Variants in PSD3 observed in about 807,000 individuals in gnomAD.
The protein encoded by PSD3 is pleckstrin and Sec7 domain containing 3.
A neutral mutation model predicts 105.5 loss-of-function variants in PSD3; 49 were observed. The observed-to-expected ratio is 0.46, with a 90% CI of 0.37 to 0.59. The LOEUF is 0.59. PSD3 is among the 20% of genes least tolerant of loss of function. The pLI, the probability that PSD3 is intolerant of heterozygous loss-of-function variation, is 0.00. For synonymous variants in PSD3, 557 were observed against 457.8 expected (o/e 1.22, Z -2.77); for missense variants, 1,561 against 1,263.8 (o/e 1.24, Z -3.57).
At chr8:18,614,705 T>A (rs905049184) in intron 11 of PSD3, among the ~76,000 whole-genome samples, 2 of 152,162 alleles carry the variant, frequency 1.3e-5, no homozygotes, top group African/African-American at 4.8e-5. Flanking sequence ...TACAGCTCAC[T>A]GCAGCCTCCA....
At chr8:18,547,310 C>T (rs549851956) in intron 15 of PSD3, among the ~76,000 whole-genome samples, 1 of 152,316 alleles carries the variant, frequency 6.6e-6, no homozygotes, top group East Asian at 1.9e-4. Flanking sequence ...TAATCTGAAG[C>T]AATGTAGCTG....
intron 11 of PSD3, among the ~76,000 whole-genome samples, chr8:18,620,341 T>C (rs1410637249): frequency 2.3e-5 from 3 of 131,434 alleles, no homozygotes; most frequent in East Asian, 4.3e-4. Flanking sequence ...CTTGGGTTTG[T>C]GTTTTTTTTT....
intron 4 of PSD3, among the ~76,000 whole-genome samples, chr8:18,857,255 C>T (rs977879200): frequency 1.2e-4 from 19 of 152,174 alleles, no homozygotes; most frequent in African/African-American, 2.9e-4. Context: ...TTGCAGTAAA[C>T]GCCTCTCAAA....
chr8:18,737,195 C>T (rs1307798371), intron 9 of PSD3, among the ~76,000 whole-genome samples: 43 of 152,234 alleles, frequency 2.8e-4, no homozygotes, highest in African/African-American at 1.0e-3. Context: ...GTAATTGTCC[C>T]AGGTAGTTCT....
intron 4 of PSD3, among the ~76,000 whole-genome samples, chr8:18,863,287 C>G (rs1035083691): frequency 6.6e-6 from 1 of 152,156 alleles, no homozygotes; most frequent in Non-Finnish European, 1.5e-5. Context: ...GATAAGCCGG[C>G]GAGCGAGAAG....
intron 1 of PSD3, among the ~76,000 whole-genome samples, chr8:18,977,479 T>A (rs758249006): frequency 5.3e-5 from 8 of 152,106 alleles, no homozygotes; most frequent in Non-Finnish European, 1.0e-4. Flanking sequence ...ACTAATGTTA[T>A]TTGCTTTATT....
intron 8 of PSD3, among the ~76,000 whole-genome samples, chr8:18,787,077 T>C (rs1809235920): frequency 6.6e-6 from 1 of 152,214 alleles, no homozygotes; most frequent in Non-Finnish European, 1.5e-5. Flanking sequence ...AGGCAAACAC[T>C]ACTCAACGAA....
intron 2 of PSD3, among the ~76,000 whole-genome samples, chr8:18,875,156 T>C (rs1817647818): frequency 6.6e-6 from 1 of 152,142 alleles, no homozygotes; most frequent in Non-Finnish European, 1.5e-5. Flanking sequence ...TGGCCTCAAA[T>C]GATCCTCTCG....
intron 1 of PSD3, among the ~76,000 whole-genome samples, chr8:18,945,071 C>G (rs1356723309): frequency 6.6e-6 from 1 of 152,062 alleles, no homozygotes; most frequent in South Asian, 2.1e-4. Context: ...CAGACAGACA[C>G]ACACACACAC....
chr8:18,696,337 A>G (rs2131015596), intron 9 of PSD3, among the ~76,000 whole-genome samples: 1 of 152,346 alleles, frequency 6.6e-6, no homozygotes. Flanking sequence ...GACAAACACT[A>G]TTAGATAGAT....
At chr8:19,060,623 G>C (rs1194335374) in intron 1 of PSD3, among the ~76,000 whole-genome samples, 1 of 152,190 alleles carries the variant, frequency 6.6e-6, no homozygotes, top group Non-Finnish European at 1.5e-5. Flanking sequence ...AACAGAGTGA[G>C]ACCCCATCTC....
chr8:18,663,243 G>A (rs142554035), intron 9 of PSD3, among the ~76,000 whole-genome samples: 41 of 152,064 alleles, frequency 2.7e-4, no homozygotes, highest in African/African-American at 7.5e-4. Flanking sequence ...CCTAGCCAAC[G>A]TGGCGAAACC....
At chr8:19,065,383 T>C (rs1212391469) in intron 1 of PSD3, among the ~76,000 whole-genome samples, 1 of 152,286 alleles carries the variant, frequency 6.6e-6, no homozygotes, top group Non-Finnish European at 1.5e-5. Context: ...ATTCTGATAC[T>C]ATCTACCTGG....
intron 9 of PSD3, chr8:18,684,204 C>CCCCA (rs1491298807): frequency 5.1e-6 from 1 of 195,210 alleles, no homozygotes; most frequent in Non-Finnish European, 1.0e-5. Flanking sequence ...TCTCTCTTTT[C>CCCCA]CACACACACA....
At chr8:18,764,756 G>A (rs982384677) in intron 9 of PSD3, among the ~76,000 whole-genome samples, 8 of 152,010 alleles carry the variant, frequency 5.3e-5, no homozygotes, top group Non-Finnish European at 1.2e-4. Context: ...TAAAAGGCTA[G>A]AATCAAAAAG....
At chr8:18,593,811 C>T (rs1803795841) in intron 12 of PSD3, among the ~76,000 whole-genome samples, 1 of 151,720 alleles carries the variant, frequency 6.6e-6, no homozygotes, top group Non-Finnish European at 1.5e-5. Flanking sequence ...AGGATGAGTT[C>T]ATGTCCTTTG....
chr8:18,681,979 A>C (rs1052141306), intron 9 of PSD3, among the ~76,000 whole-genome samples: 18 of 150,932 alleles, frequency 1.2e-4, no homozygotes, highest in Non-Finnish European at 2.4e-4. Flanking sequence ...TTATACTGTT[A>C]ACTCCTGCGG....
intron 9 of PSD3, among the ~76,000 whole-genome samples, chr8:18,697,486 C>T (rs374266586): frequency 6.6e-6 from 1 of 152,186 alleles, no homozygotes; most frequent in African/African-American, 2.4e-5. Context: ...CTTTTATATA[C>T]AGTATTAAGG....
At chr8:18,695,088 T>C (rs1166375655) in intron 9 of PSD3, among the ~76,000 whole-genome samples, 1 of 152,212 alleles carries the variant, frequency 6.6e-6, no homozygotes, top group African/African-American at 2.4e-5. Context: ...CCCCTTCTAC[T>C]AGGGATCCTT....
Sources: gnomAD v4.1 joint callset for allele counts (sites outside exome capture counted in the v4.1 genomes callset) on GRCh38, gnomAD v4.1.1 for gene constraint, MANE v1.5 for transcripts, NCBI Gene and HGNC (gene_info 2026-07-23, HGNC 2026-07-21) for gene names.